The following COL13A1 variants were observed in gnomAD, a reference collection of about 807,000 sequenced individuals.
The protein encoded by COL13A1 is collagen type XIII alpha 1 chain, also known as collagen alpha-1(XIII) chain.
A neutral mutation model predicts 130.9 loss-of-function variants in COL13A1; 89 were observed. The observed-to-expected ratio is 0.68, with a 90% CI of 0.57 to 0.81. COL13A1 has a LOEUF of 0.81. COL13A1 is among the 30% of genes least tolerant of loss of function. COL13A1 has a pLI of 0.00. For synonymous variants in COL13A1, 402 were observed against 341.6 expected (o/e 1.18, Z -1.95); for missense variants, 879 against 934.6 (o/e 0.94, Z 0.78).
Position 69,894,856 on chromosome 10 carries a change from G to A in COL13A1, c.657+155G>A, listed in dbSNP as rs1388295288. 2.0e-5 allele frequency among the ~76,000 whole-genome samples: 3 copies of A among 152,292 alleles called. 1 individual carries two copies. Among genetic ancestry groups the A allele is most frequent in the African/African-American group, 2.4e-5 (1 of 41,566 alleles). ...CCGCATAATAGATTCGGTTGACACCGCTCCAGGGGACATCCTTTTCTTGGA... is the reference window on the plus strand; with the variant it reads ...CCGCATAATAGATTCGGTTGACACCACTCCAGGGGACATCCTTTTCTTGGA... On this transcript the variant is annotated intron_variant, in intron 12 of 40. Transcript: ENST00000645393.
intron 1 of COL13A1, among the ~76,000 whole-genome samples, chr10:69,805,767 A>C (rs1318281153): frequency 3.9e-5 from 6 of 152,220 alleles, no homozygotes; most frequent in African/African-American, 1.4e-4. Context: ...GGTCTGAGCA[A>C]AGGTCTGAGC....
chr10:69,804,809 C>CAAAAAAAAAAAAAAAAAAAAAAAAA (rs57098368), intron 1 of COL13A1, among the ~76,000 whole-genome samples: 1 of 75,380 alleles, frequency 1.3e-5, no homozygotes, highest in African/African-American at 5.6e-5. Flanking sequence ...ATGTCGTGTG[C>CAAAAAAAAAAAAAAAAAAAAAAAAA]AAAAAAAAAA....
At chr10:69,855,488 T>C (rs991413456) in intron 2 of COL13A1, among the ~76,000 whole-genome samples, 1 of 152,156 alleles carries the variant, frequency 6.6e-6, no homozygotes, top group Non-Finnish European at 1.5e-5. Flanking sequence ...CATATTATAA[T>C]AACACTCCAT....
At chr10:69,814,340 T>C (rs1004748230) in intron 1 of COL13A1, among the ~76,000 whole-genome samples, 1 of 152,136 alleles carries the variant, frequency 6.6e-6, no homozygotes, top group African/African-American at 2.4e-5. Flanking sequence ...AGGAGGGACA[T>C]GGCAAGTGCA....
intron 6 of COL13A1, among the ~76,000 whole-genome samples, chr10:69,878,977 C>T (rs1381587668): frequency 6.6e-6 from 1 of 152,254 alleles, no homozygotes; most frequent in African/African-American, 2.4e-5. Flanking sequence ...TCCAAAATAA[C>T]AATCTCAACA....
At chr10:69,856,689 A>T (rs1384356552) in intron 2 of COL13A1, among the ~76,000 whole-genome samples, 2 of 152,196 alleles carry the variant, frequency 1.3e-5, no homozygotes, top group African/African-American at 4.8e-5. Context: ...AGAACTGTCG[A>T]TGCCTTTTGG....
chr10:69,802,513 G>C lies in COL13A1; in HGVS notation c.90G>C (p.Ala30=). The stretch of plus-strand genomic sequence containing the variant: ...CGCCCGGGACGGTGGCTCTGGTGGC[G>C]GCGCGGGCGGAGCGCGGCGCACGGC... ...LGAPGTVALV[A]ARAERGARLP... is the part of the protein sequence containing the mutation. The change falls in exon 1 of 41, where the codon GCG becomes GCC. Residue 30 remains alanine, a synonymous_variant. Transcript: ENST00000645393. 1 of 1,556,466 alleles carries C rather than the reference G, an allele frequency of 6.4e-7. No homozygotes were observed. The highest frequency in any genetic ancestry group is 1.2e-5 in the South Asian group (1 of 85,562).
intron 32 of COL13A1, among the ~76,000 whole-genome samples, chr10:69,936,165 GAAGGAAGGAAGGA>G (rs753925854): frequency 0.52 from 15,256 of 29,372 alleles, 2,670 homozygotes; most frequent in South Asian, 0.57. Context: ...AGGAAGGAAG[GAAGGAAGGAAGGA>G]AAGGAAAGGA....
At chr10:69,859,340 C>T (rs1441591775) in intron 2 of COL13A1, among the ~76,000 whole-genome samples, 3 of 152,224 alleles carry the variant, frequency 2.0e-5, no homozygotes, top group Non-Finnish European at 2.9e-5. Flanking sequence ...TTCAGAGATA[C>T]AGGCCTGGTT....
intron 21 of COL13A1, among the ~76,000 whole-genome samples, chr10:69,921,439 G>T (rs1283316859): frequency 1.3e-5 from 2 of 152,220 alleles, no homozygotes; most frequent in Non-Finnish European, 2.9e-5. Context: ...GGAGAAGGGG[G>T]TGCCAGAAAA....
chr10:69,934,602 G>C lies in COL13A1; in HGVS notation c.1729-748G>C, dbSNP rs75340800. Among the ~76,000 whole-genome samples the C allele has an allele frequency of 5.4e-3, 824 of 152,368 alleles. 10 individuals carry two copies. The highest frequency in any genetic ancestry group is 0.015 in the African/African-American group (619 of 41,588). ...AGCTCAGAAGGACCCAGCAGTGGCTGCCTGTGGATGAAAGGATGTGTGTGT... is the reference window on the plus strand; with the variant it reads ...AGCTCAGAAGGACCCAGCAGTGGCTCCCTGTGGATGAAAGGATGTGTGTGT... On this transcript the variant is annotated intron_variant, in intron 31 of 40. Coordinates refer to ENST00000645393, the MANE Select transcript of COL13A1 (RefSeq NM_001368882.1).
At chr10:69,880,229 C>A (rs575969445) in intron 6 of COL13A1, among the ~76,000 whole-genome samples, 28 of 152,092 alleles carry the variant, frequency 1.8e-4, no homozygotes, top group African/African-American at 5.8e-4. Context: ...CTCACTGACA[C>A]CTCTTCTCCT....
intron 2 of COL13A1, among the ~76,000 whole-genome samples, chr10:69,866,374 T>C (rs1388488502): frequency 6.6e-6 from 1 of 152,218 alleles, no homozygotes; most frequent in Non-Finnish European, 1.5e-5. Context: ...GCCCTCCATG[T>C]GGCTGAAGCA....
intron 2 of COL13A1, among the ~76,000 whole-genome samples, chr10:69,835,914 T>C (rs943111437): frequency 3.3e-5 from 5 of 152,264 alleles, no homozygotes; most frequent in Non-Finnish European, 7.3e-5. Flanking sequence ...TTGATCCTCA[T>C]AATTACTTTA....
At chr10:69,958,549 C>G in intron 40 of COL13A1, 150 bp from the exon 41 acceptor site, 1 of 1,226,046 alleles carries the variant, frequency 8.2e-7, no homozygotes, top group Non-Finnish European at 1.1e-6. Context: ...CCACCAGTTT[C>G]TTTCACCTAG....
intron 33 of COL13A1, 47 bp downstream of exon 33, chr10:69,936,829 AGAGG>A (rs1355640559): frequency 6.2e-7 from 1 of 1,612,492 alleles, no homozygotes; most frequent in East Asian, 2.2e-5. Context: ...CTAGTAGAAA[AGAGG>A]GAAAGTGCAC....
At chr10:69,887,216 C>G (rs1210102865) in intron 7 of COL13A1, among the ~76,000 whole-genome samples, 3 of 152,176 alleles carry the variant, frequency 2.0e-5, no homozygotes, top group Admixed American at 2.0e-4. Context: ...AGAAGTAGAC[C>G]CAGAGGATGC....
At chr10:69,921,162 T>A (rs1313203274) in intron 21 of COL13A1, among the ~76,000 whole-genome samples, 1 of 152,068 alleles carries the variant, frequency 6.6e-6, no homozygotes, top group Non-Finnish European at 1.5e-5. Flanking sequence ...AGGGGGAGAA[T>A]CTGCTCCAAG....
intron 21 of COL13A1, among the ~76,000 whole-genome samples, 190 bp from the exon 22 acceptor site, chr10:69,921,692 A>G (rs1336544437): frequency 6.6e-6 from 1 of 152,198 alleles, no homozygotes; most frequent in Non-Finnish European, 1.5e-5. Flanking sequence ...ACCAACGCGA[A>G]GTGACCCATG....
Sources: gnomAD v4.1 joint callset for allele counts (sites outside exome capture counted in the v4.1 genomes callset) on GRCh38, gnomAD v4.1.1 for gene constraint, MANE v1.5 for transcripts, NCBI Gene and HGNC (gene_info 2026-07-23, HGNC 2026-07-21) for gene names.